BCAS3: variants seen among roughly 807,000 people sequenced by gnomAD.
BCAS3 encodes BCAS4/BCAS3 fusion.
BCAS3 carries 53 observed loss-of-function variants against 116.1 expected under a neutral mutation model. That is an observed-to-expected ratio of 0.46 (90% confidence interval 0.37 to 0.57). The LOEUF (loss-of-function observed/expected upper bound fraction) is 0.57, where lower values mean the gene tolerates loss of function less well. BCAS3 is among the 20% of genes least tolerant of loss of function. BCAS3 has a pLI of 0.00. For missense variants in BCAS3, 917 were observed against 1,165.4 expected (o/e 0.79, Z 3.10); for synonymous variants, 391 against 408.2 (o/e 0.96, Z 0.51).
intron 22 of BCAS3, among the ~76,000 whole-genome samples, chr17:61,100,388 G>C (rs1295889128): frequency 6.6e-6 from 1 of 152,172 alleles, no homozygotes; most frequent in Non-Finnish European, 1.5e-5. Flanking sequence ...CCCAGTTCCT[G>C]AATCAGACGG....
At chr17:60,979,814 G>A (rs558524231) in intron 14 of BCAS3, among the ~76,000 whole-genome samples, 19 of 152,076 alleles carry the variant, frequency 1.2e-4, no homozygotes, top group African/African-American at 2.2e-4. Context: ...ATTTGCGTAT[G>A]TTGAACCAGC....
chr17:61,149,263 TAA>T (rs2077413132), intron 22 of BCAS3, among the ~76,000 whole-genome samples: 1 of 152,182 alleles, frequency 6.6e-6, no homozygotes, highest in Non-Finnish European at 1.5e-5. Flanking sequence ...TTTCCGCTGG[TAA>T]GATCAGGCCC....
chr17:61,077,568 A>G lies in BCAS3; in HGVS notation c.2131-765A>G, dbSNP rs766158446. ...AAATAAAATATTGGCAACATTCCCT[A>G]TCCCCCCCATTGAGCGTGAAATTCA... On this transcript the variant is annotated intron_variant, in intron 20 of 23. Coordinates refer to ENST00000407086, the MANE Select transcript of BCAS3 (RefSeq NM_017679.5). This position sits in a 1 kb window ranked among gnomAD's most constrained non-coding sequence, Gnocchi z 4.3. Among the ~76,000 whole-genome samples the G allele has an allele frequency of 5.9e-5, 9 of 152,076 alleles. No homozygotes were observed. The South Asian group carries it at 6.2e-4, about 11-fold the overall frequency.
intron 22 of BCAS3, among the ~76,000 whole-genome samples, chr17:61,359,290 T>C (rs2058324846): frequency 1.3e-5 from 2 of 152,204 alleles, no homozygotes; most frequent in Admixed American, 1.3e-4. Flanking sequence ...TACAAAGCAC[T>C]TGTCAAAAGA....
rs1395415505 is a variant in BCAS3, at chr17:61,376,562, C to G, written c.2593+8068C>G. Among the ~76,000 whole-genome samples the G allele has an allele frequency of 6.6e-6, 1 of 152,192 alleles. No homozygotes were observed. Among genetic ancestry groups the G allele is most frequent in the Admixed American group, 6.5e-5 (1 of 15,282 alleles). On this transcript the variant is annotated intron_variant, in intron 23 of 23. Coordinates refer to ENST00000407086, the MANE Select transcript of BCAS3 (RefSeq NM_017679.5). This position sits in a 1 kb window ranked among gnomAD's most constrained non-coding sequence, Gnocchi z 4.5. ...AGTGTGGCCGCCCATGAGACCCAGTCTTGTCTTTTAATTTTTTCCTCCAAG... is the reference window on the plus strand; with the variant it reads ...AGTGTGGCCGCCCATGAGACCCAGTGTTGTCTTTTAATTTTTTCCTCCAAG...
At chr17:61,292,096 TCCTAGAAGACTTG>T (rs2052472359) in intron 22 of BCAS3, among the ~76,000 whole-genome samples, 2 of 151,988 alleles carry the variant, frequency 1.3e-5, no homozygotes, top group South Asian at 2.1e-4. Flanking sequence ...CCCTTGGAGA[TCCTAGAAGACTTG>T]CCACATGTAA....
intron 14 of BCAS3, among the ~76,000 whole-genome samples, chr17:60,978,298 T>G (rs1489681135): frequency 6.9e-6 from 1 of 145,624 alleles, no homozygotes; most frequent in African/African-American, 2.7e-5. Context: ...CATAAATGTC[T>G]TCTTTTGAGA....
intron 4 of BCAS3, among the ~76,000 whole-genome samples, chr17:60,692,003 A>C (rs2034885181): frequency 6.6e-6 from 1 of 151,680 alleles, no homozygotes; most frequent in South Asian, 2.1e-4. Context: ...TGAGCCGAGA[A>C]CATGCCATTG....
chr17:60,839,558 A>G (rs2144754422), intron 7 of BCAS3, among the ~76,000 whole-genome samples: 1 of 152,312 alleles, frequency 6.6e-6, no homozygotes, highest in East Asian at 1.9e-4. Flanking sequence ...GTTATTAACT[A>G]GGCTCATCAC....
chr17:61,116,196 C>G (rs1188768402), intron 22 of BCAS3, among the ~76,000 whole-genome samples: 2 of 151,708 alleles, frequency 1.3e-5, no homozygotes, highest in African/African-American at 2.4e-5. Flanking sequence ...ACATATGTAA[C>G]TAACCTGCAC....
intron 5 of BCAS3, among the ~76,000 whole-genome samples, chr17:60,725,030 T>C (rs1015548588): frequency 6.6e-6 from 1 of 152,078 alleles, no homozygotes; most frequent in Non-Finnish European, 1.5e-5. Flanking sequence ...TAAAAAAAGT[T>C]TTTTTTGTAG....
At chr17:60,767,735 T>G (rs1568206328) in intron 6 of BCAS3, among the ~76,000 whole-genome samples, 2 of 152,212 alleles carry the variant, frequency 1.3e-5, no homozygotes, top group Non-Finnish European at 2.9e-5. Flanking sequence ...ATGTGTCCAG[T>G]GTCTTTACAT....
Position 61,356,514 on chromosome 17 carries a change from G to A in BCAS3, c.2426-11813G>A, listed in dbSNP as rs895169767. ...GAGCCAGTCGAGATTCTCCTTACTG[G>A]GACCTACACTGATGACTGATCTCTT... On this transcript the variant is annotated intron_variant, in intron 22 of 23. Transcript: ENST00000407086. The surrounding 1 kb of genome is among the most constrained non-coding windows in gnomAD (Gnocchi z 5.4). Among the ~76,000 whole-genome samples the A allele has an allele frequency of 2.0e-4, 31 of 151,732 alleles. No homozygotes were observed. The highest frequency in any genetic ancestry group is 7.0e-4 in the African/African-American group (29 of 41,284).
At chr17:60,996,784 A>T (rs1265094550) in intron 15 of BCAS3, among the ~76,000 whole-genome samples, 1 of 152,220 alleles carries the variant, frequency 6.6e-6, no homozygotes, top group African/African-American at 2.4e-5. Context: ...GGGCCCTCTG[A>T]CATTAAGTAG....
At chr17:60,945,430 G>C (rs1056841039) in intron 13 of BCAS3, among the ~76,000 whole-genome samples, 2 of 152,202 alleles carry the variant, frequency 1.3e-5, no homozygotes, top group Non-Finnish European at 2.9e-5. Context: ...AAGATTTTCT[G>C]TGAAGTTACA....
intron 22 of BCAS3, among the ~76,000 whole-genome samples, chr17:61,193,705 C>T (rs1028135862): frequency 5.5e-5 from 7 of 127,810 alleles, no homozygotes; most frequent in South Asian, 2.5e-4. Flanking sequence ...TGCTGTGAGC[C>T]GAGATCGTGC....
intron 22 of BCAS3, among the ~76,000 whole-genome samples, chr17:61,294,928 G>A (rs1322835538): frequency 6.6e-6 from 1 of 152,126 alleles, no homozygotes; most frequent in African/African-American, 2.4e-5. Context: ...CAGTATGACA[G>A]GTCAGTTAAA....
rs138652866 is a variant in BCAS3 at position 61,238,090 on chromosome 17, T to C, written c.2426-130237T>C. Among the ~76,000 whole-genome samples, 183 of 152,304 alleles carry C rather than the reference T, an allele frequency of 1.2e-3. 1 individual carries two copies. In the Middle Eastern group the frequency reaches 0.014, roughly 11 times the overall value. On this transcript the variant is annotated intron_variant, in intron 22 of 23. Transcript: ENST00000407086. Reference sequence around the variant, plus strand: ...TTTGTGAGACAGAGTTTCACTTTTGTCGCCCAGGCTGGAGTACAGAGGCAC... The same window carrying C: ...TTTGTGAGACAGAGTTTCACTTTTGCCGCCCAGGCTGGAGTACAGAGGCAC...
intron 5 of BCAS3, among the ~76,000 whole-genome samples, chr17:60,734,964 T>G (rs1437843886): frequency 6.6e-6 from 1 of 152,224 alleles, no homozygotes; most frequent in Non-Finnish European, 1.5e-5. Context: ...GAATATGGAA[T>G]GTCTCTTCAT....
Sources: allele counts gnomAD v4.1 joint callset (sites outside exome capture counted in the v4.1 genomes callset), GRCh38; gene constraint gnomAD v4.1.1; non-coding constraint Gnocchi (gnomAD v3.1); transcripts MANE v1.5; gene names NCBI Gene and HGNC (gene_info 2026-07-23, HGNC 2026-07-21).